Variants in PCDH7 observed in about 807,000 individuals in gnomAD.
PCDH7 encodes the protein protocadherin-7.
In PCDH7, 17 loss-of-function variants were observed where a neutral mutation model predicts 58.9. The observed-to-expected ratio is 0.29, with a 90% confidence interval of 0.20 to 0.43. The LOEUF is 0.43. PCDH7 is among the 20% of genes least tolerant of loss of function. The probability of loss-of-function intolerance (pLI) is 1.00; values close to 1 mark genes in which losing one functional copy is unlikely to be tolerated. For missense variants in PCDH7, 1,274 were observed against 1,441.0 expected (o/e 0.88, Z 1.88); for synonymous variants, 664 against 616.4 (o/e 1.08, Z -1.14).
intron 3 of PCDH7, among the ~76,000 whole-genome samples, chr4:31,088,703 T>C (rs1373220521): frequency 6.6e-6 from 1 of 152,024 alleles, no homozygotes; most frequent in Non-Finnish European, 1.5e-5. Context: ...TAAAAGAGTG[T>C]ATTTGTTTTT....
chr4:31,042,318 A>C (rs1028190953), intron 3 of PCDH7, among the ~76,000 whole-genome samples: 1 of 152,154 alleles, frequency 6.6e-6, no homozygotes, highest in Non-Finnish European at 1.5e-5. Flanking sequence ...TCTTGTTATA[A>C]AGAACAACCA....
intron 1 of PCDH7, among the ~76,000 whole-genome samples, chr4:30,786,305 G>T (rs893690233): frequency 1.3e-5 from 2 of 151,934 alleles, no homozygotes; most frequent in Non-Finnish European, 2.9e-5. Context: ...GAGATCTTAG[G>T]GATGTGCAAG....
At chr4:30,858,218 T>C (rs1446943316) in intron 1 of PCDH7, among the ~76,000 whole-genome samples, 1 of 152,168 alleles carries the variant, frequency 6.6e-6, no homozygotes, top group Non-Finnish European at 1.5e-5. Flanking sequence ...CCCATTCTGA[T>C]ATACGTTGAA....
intron 1 of PCDH7, among the ~76,000 whole-genome samples, chr4:30,873,222 T>G (rs957395291): frequency 2.6e-5 from 4 of 152,082 alleles, no homozygotes; most frequent in Non-Finnish European, 4.4e-5. Context: ...CTAGCCACAC[T>G]ATACCTGAAG....
chr4:31,096,603 T>C (rs1714020868), intron 3 of PCDH7, among the ~76,000 whole-genome samples: 1 of 152,168 alleles, frequency 6.6e-6, no homozygotes, highest in African/African-American at 2.4e-5. Flanking sequence ...AAATAAATAA[T>C]TTTATGCCTA....
At chr4:31,004,243 G>T (rs766105723) in intron 3 of PCDH7, among the ~76,000 whole-genome samples, 4 of 152,064 alleles carry the variant, frequency 2.6e-5, no homozygotes, top group Non-Finnish European at 2.9e-5. Flanking sequence ...AGTTTTGTGC[G>T]TCAGACGAGA....
chr4:30,722,647 AACG>A lies in PCDH7; in HGVS notation c.1228_1230del (p.Asp410del). On this transcript the variant is annotated inframe_deletion, in exon 1 of 2. Transcript: ENST00000361762. This position sits in a 1 kb window ranked among gnomAD's most constrained non-coding sequence, Gnocchi z 7.6. The stretch of plus-strand genomic sequence containing the variant: ...CGTGGTCCTTAACATCAAAGACGAG[AACG>A]ACAACGTGCCGTCCATTGAAATCCG... 6.2e-7 allele frequency: 1 copy of A among 1,613,480 alleles called. No individual in the cohort carries two copies. Among genetic ancestry groups the A allele is most frequent in the Non-Finnish European group, 8.5e-7 (1 of 1,180,034 alleles).
At chr4:31,124,531 G>T (rs1718068243) in intron 3 of PCDH7, among the ~76,000 whole-genome samples, 1 of 152,188 alleles carries the variant, frequency 6.6e-6, no homozygotes, top group South Asian at 2.1e-4. Context: ...AAATTACTAG[G>T]TATAGGAATG....
intron 1 of PCDH7, among the ~76,000 whole-genome samples, chr4:30,914,569 A>G (rs1742179979): frequency 6.6e-6 from 1 of 152,198 alleles, no homozygotes; most frequent in Non-Finnish European, 1.5e-5. Flanking sequence ...CTTTAATAGG[A>G]TAATTAGGTT....
intron 1 of PCDH7, among the ~76,000 whole-genome samples, chr4:30,825,386 T>C (rs1053653654): frequency 6.6e-6 from 1 of 152,188 alleles, no homozygotes; most frequent in Non-Finnish European, 1.5e-5. Flanking sequence ...CAGTATGTTT[T>C]ATCTTTTTTT....
At chr4:31,128,957 A>G (rs1170211001) in intron 3 of PCDH7, among the ~76,000 whole-genome samples, 1 of 152,236 alleles carries the variant, frequency 6.6e-6, no homozygotes, top group African/African-American at 2.4e-5. Flanking sequence ...TTGCTTTCTC[A>G]GCTTGGCCAG....
intron 3 of PCDH7, among the ~76,000 whole-genome samples, chr4:31,057,163 G>T (rs1757325999): frequency 6.6e-6 from 1 of 152,034 alleles, no homozygotes; most frequent in South Asian, 2.1e-4. Context: ...TTCAAAAATA[G>T]TTTTACTTTC....
chr4:31,072,408 T>C (rs924826196), intron 3 of PCDH7, among the ~76,000 whole-genome samples: 15 of 152,118 alleles, frequency 9.9e-5, no homozygotes, highest in Non-Finnish European at 2.1e-4. Context: ...TGAATAATTA[T>C]GCTTTAATAT....
At chr4:30,898,967 A>G (rs141534402) in intron 1 of PCDH7, among the ~76,000 whole-genome samples, 190 of 152,198 alleles carry the variant, frequency 1.2e-3, no homozygotes, top group African/African-American at 4.3e-3. Context: ...CATAAAGTCA[A>G]TTTAGTGGAT....
intron 1 of PCDH7, among the ~76,000 whole-genome samples, chr4:30,895,974 C>A (rs1739347715): frequency 6.6e-6 from 1 of 152,200 alleles, no homozygotes; most frequent in Non-Finnish European, 1.5e-5. Context: ...ATACGTGGAA[C>A]TCTGGTTCAA....
chr4:30,830,161 T>C (rs569003118), intron 1 of PCDH7, among the ~76,000 whole-genome samples: 1 of 152,272 alleles, frequency 6.6e-6, no homozygotes, highest in African/African-American at 2.4e-5. Flanking sequence ...ATGCATATTA[T>C]TTAAATTAAA....
chr4:30,962,776 T>TA (rs57257786), intron 3 of PCDH7, among the ~76,000 whole-genome samples: 973 of 70,560 alleles, frequency 0.014, 22 homozygotes, highest in African/African-American at 0.027. Flanking sequence ...GACCCAGTCT[T>TA]AAAAAAAAAA....
At chr4:30,838,496 T>G (rs926406258) in intron 1 of PCDH7, among the ~76,000 whole-genome samples, 4 of 151,506 alleles carry the variant, frequency 2.6e-5, no homozygotes, top group African/African-American at 4.9e-5. Context: ...TTTTAAAGGG[T>G]TTTTTTTCCC....
At chr4:31,040,811 T>C (rs543406830) in intron 3 of PCDH7, among the ~76,000 whole-genome samples, 6 of 152,140 alleles carry the variant, frequency 3.9e-5, no homozygotes, top group Non-Finnish European at 5.9e-5. Context: ...ATTTTGTTGG[T>C]TGAGAAACTA....
Sources: allele counts gnomAD v4.1 joint callset (sites outside exome capture counted in the v4.1 genomes callset), GRCh38; gene constraint gnomAD v4.1.1; non-coding constraint Gnocchi (gnomAD v3.1); transcripts MANE v1.5; gene names NCBI Gene and HGNC (gene_info 2026-07-23, HGNC 2026-07-21).